The following CCDC152 variants were observed in gnomAD, a reference collection of about 807,000 sequenced individuals.
The protein encoded by CCDC152 is coiled-coil domain-containing protein 152.
In CCDC152, 37 loss-of-function variants were observed where a neutral mutation model predicts 38.1. That is an observed-to-expected ratio of 0.97 (90% CI 0.75 to 1.28). The LOEUF is 1.28. Among genes scored for constraint, CCDC152 ranks in the 50% most tolerant of loss-of-function variants. CCDC152 has a pLI of 0.00. For synonymous variants in CCDC152, 83 were observed against 87.1 expected, an observed-to-expected ratio of 0.95 and a Z score of 0.26; for missense variants, 259 against 292.1, an observed-to-expected ratio of 0.89 and a Z score of 0.83.
rs1210342924 is a variant in CCDC152 at position 42,779,473 on chromosome 5, T to C, written c.278T>C (p.Leu93Pro). The C allele has an allele frequency of 1.3e-6, 2 of 1,511,084 alleles. No homozygotes were observed. The highest frequency in any genetic ancestry group is 2.8e-5 in the African/African-American group (2 of 72,138). 93.6% of individuals were successfully genotyped at this position (1,511,084 alleles called of 1,614,324 possible). A position where few individuals can be genotyped will look rare whatever the true frequency, so the allele number is the denominator to read the frequency against. ...TCTTACACAGGTGAAAATGAACAAC[T>C]AAAAATAAGTGCTGATCTTATAAAA... The part of the protein sequence containing the change: ...QQNLKGENEQ[L>P]KISADLIKEK... The change falls in exon 5 of 9, where the codon CTA becomes CCA. Residue 93 changes from leucine to proline, a missense_variant. Physicochemically the swap from Leu to Pro is moderately conservative, Grantham distance 98. Coordinates refer to ENST00000361970, the MANE Select transcript of CCDC152 (RefSeq NM_001134848.2).
At chr5:42,758,148 T>C (rs576092800) in intron 1 of CCDC152, among the ~76,000 whole-genome samples, 5 of 152,174 alleles carry the variant, frequency 3.3e-5, no homozygotes, top group Non-Finnish European at 7.4e-5. Context: ...AAACAAAATA[T>C]ACAGCCAAAA....
At chr5:42,786,928 T>C (rs1453315751) in intron 6 of CCDC152, among the ~76,000 whole-genome samples, 3 of 151,986 alleles carry the variant, frequency 2.0e-5, no homozygotes, top group South Asian at 2.1e-4. Flanking sequence ...CAGGAGCAAG[T>C]TGTTTGGTTT....
intron 6 of CCDC152, among the ~76,000 whole-genome samples, chr5:42,785,185 G>T (rs991036745): frequency 6.6e-6 from 1 of 152,014 alleles, no homozygotes; most frequent in Admixed American, 6.5e-5. Flanking sequence ...AGATTGCTTT[G>T]GGTAGTATAG....
intron 6 of CCDC152, among the ~76,000 whole-genome samples, chr5:42,794,762 A>T (rs1473304531): frequency 6.6e-6 from 1 of 152,208 alleles, no homozygotes; most frequent in African/African-American, 2.4e-5. Flanking sequence ...ACCAAAGACA[A>T]AAGGGGGAAT....
chr5:42,768,891 A>G (rs1382853727), intron 3 of CCDC152, among the ~76,000 whole-genome samples: 1 of 152,142 alleles, frequency 6.6e-6, no homozygotes, highest in Non-Finnish European at 1.5e-5. Context: ...GACCCATACT[A>G]TTCTGTGCTT....
intron 6 of CCDC152, among the ~76,000 whole-genome samples, chr5:42,794,821 TA>T (rs1760052407): frequency 6.6e-6 from 1 of 152,178 alleles, no homozygotes; most frequent in African/African-American, 2.4e-5. Context: ...CATAAAGTGA[TA>T]AAAGTACTAA....
rs115570775 is a variant in CCDC152, at chr5:42,773,496, A to C, written c.262+3831A>C. On this transcript the variant is annotated intron_variant, in intron 4 of 8. Coordinates refer to ENST00000361970, the MANE Select transcript of CCDC152 (RefSeq NM_001134848.2). ...GGGAGTTCTAAAACTGAACAATTGC[A>C]TGTTTACTTTTTCCCCTAGTTTCAG... is the stretch of plus-strand genomic sequence containing the variant. 3.5e-3 allele frequency among the ~76,000 whole-genome samples: 528 copies of C among 152,266 alleles called. 5 individuals are homozygous for C. Among genetic ancestry groups the C allele is most frequent in the Middle Eastern group, 0.017 (5 of 294 alleles).
At chr5:42,789,155 T>A (rs1163561895) in intron 6 of CCDC152, among the ~76,000 whole-genome samples, 1 of 152,232 alleles carries the variant, frequency 6.6e-6, no homozygotes, top group Non-Finnish European at 1.5e-5. Flanking sequence ...GTCAGCAGAT[T>A]GTTGCAGGAG....
chr5:42,781,553 G>GCA (rs1236901158), intron 5 of CCDC152, among the ~76,000 whole-genome samples: 219 of 125,834 alleles, frequency 1.7e-3, no homozygotes, highest in South Asian at 3.6e-3. Flanking sequence ...ATGCGCGCGC[G>GCA]CGCACACACA....
intron 5 of CCDC152, among the ~76,000 whole-genome samples, chr5:42,780,549 T>C (rs1293415243): frequency 6.6e-6 from 1 of 152,138 alleles, no homozygotes; most frequent in Non-Finnish European, 1.5e-5. Context: ...CTTTCCTTTC[T>C]AAAACTTCAA....
At chr5:42,791,235 A>G (rs1160715449) in intron 6 of CCDC152, among the ~76,000 whole-genome samples, 1 of 152,152 alleles carries the variant, frequency 6.6e-6, no homozygotes, top group African/African-American at 2.4e-5. Context: ...CCATCTATTA[A>G]CTATCTCTAC....
At chr5:42,791,754 A>G (rs1760002288) in intron 6 of CCDC152, among the ~76,000 whole-genome samples, 1 of 152,164 alleles carries the variant, frequency 6.6e-6, no homozygotes, top group Non-Finnish European at 1.5e-5. Context: ...CTAGGATATT[A>G]CATCTGTGGT....
intron 6 of CCDC152, among the ~76,000 whole-genome samples, chr5:42,783,873 C>G (rs531488305): frequency 6.6e-6 from 1 of 152,138 alleles, no homozygotes; most frequent in Non-Finnish European, 1.5e-5. Flanking sequence ...AGTTAGTTCA[C>G]TTAGAATGAT....
chr5:42,774,983 C>T (rs1307739866), intron 4 of CCDC152, among the ~76,000 whole-genome samples: 1 of 149,234 alleles, frequency 6.7e-6, no homozygotes, highest in Non-Finnish European at 1.5e-5. Flanking sequence ...ATTCTCTGAG[C>T]TTGAGAATAT....
chr5:42,796,862 T>C lies in CCDC152; in HGVS notation c.464T>C (p.Ile155Thr), dbSNP rs1219577156. ...AATGAAGAAAAGCACAAAGAACTAA[T>C]AGAGAAAAAGGAGATGGAAATTTCA... ...ELNEEKHKEL[I>T]EKKEMEISEL... is the part of the protein sequence containing the mutation. Residue 155 changes from isoleucine to threonine, a missense_variant, in exon 7 of 9, where the codon ATA becomes ACA. Coordinates refer to ENST00000361970, the MANE Select transcript of CCDC152 (RefSeq NM_001134848.2). The C allele has an allele frequency of 5.3e-6, 8 of 1,517,480 alleles. No homozygotes were observed. The South Asian group carries it at 1.0e-4, about 20-fold the overall frequency. The allele number at this position is 1,517,480 out of a possible 1,614,324, so 94.0% of individuals were successfully genotyped here.
At chr5:42,798,292 C>T (rs1011539267) in intron 7 of CCDC152, among the ~76,000 whole-genome samples, 3 of 152,192 alleles carry the variant, frequency 2.0e-5, no homozygotes, top group African/African-American at 7.2e-5. Context: ...TCCCCCCACC[C>T]CAACTTTCAT....
intron 8 of CCDC152, 89 bp from the exon 9 acceptor site, chr5:42,799,570 T>C (rs1156241069): frequency 7.7e-6 from 9 of 1,166,344 alleles, no homozygotes; most frequent in Non-Finnish European, 1.1e-5. Flanking sequence ...AAAATACCAA[T>C]AGCAGAAGTG....
intron 3 of CCDC152, among the ~76,000 whole-genome samples, chr5:42,768,132 A>G (rs1217722177): frequency 6.6e-6 from 1 of 152,224 alleles, no homozygotes; most frequent in African/African-American, 2.4e-5. Flanking sequence ...TTGAAAAAGT[A>G]CATGAGACTG....
Position 42,759,219 on chromosome 5 carries a change from A to G in CCDC152, c.87+11A>G, listed in dbSNP as rs1759518331. 2.0e-6 allele frequency: 3 copies of G among 1,509,524 alleles called. No homozygotes were observed. Among genetic ancestry groups the G allele is most frequent in the Admixed American group, 4.0e-5 (2 of 50,426 alleles). The allele number at this position is 1,509,524 out of a possible 1,614,324, so 93.5% of individuals were successfully genotyped here. ...TCACAGATAGAAAAGGTATGTAAAG[A>G]TAGAAAACAATTCTACTATATAGGG... On this transcript the variant is annotated intron_variant, in intron 2 of 8. Transcript: ENST00000361970.
Sources: allele counts gnomAD v4.1 joint callset (sites outside exome capture counted in the v4.1 genomes callset), GRCh38; gene constraint gnomAD v4.1.1; transcripts MANE v1.5; gene names NCBI Gene and HGNC (gene_info 2026-07-23, HGNC 2026-07-21).